Variants in PRKCE observed in about 807,000 individuals in gnomAD.
The protein encoded by PRKCE is protein kinase C epsilon, also known as protein kinase C epsilon type.
A neutral mutation model predicts 85.4 loss-of-function variants in PRKCE; 16 were observed. That is an observed-to-expected ratio of 0.19 (90% CI 0.13 to 0.28). The LOEUF is 0.28. PRKCE is among the 10% of genes least tolerant of loss of function. The probability of loss-of-function intolerance (pLI) is 1.00; values close to 1 mark genes in which losing one functional copy is unlikely to be tolerated. For synonymous variants in PRKCE, 388 were observed against 371.5 expected, an observed-to-expected ratio of 1.04 and a Z score of -0.51; for missense variants, 573 against 975.2, an observed-to-expected ratio of 0.59 and a Z score of 5.49.
chr2:45,921,783 A>G (rs547418656), intron 2 of PRKCE, among the ~76,000 whole-genome samples: 5 of 152,170 alleles, frequency 3.3e-5, no homozygotes, highest in South Asian at 2.1e-4. Flanking sequence ...TCATTTTGCT[A>G]TTTCTTCCTG....
intron 10 of PRKCE, among the ~76,000 whole-genome samples, chr2:46,060,295 A>G (rs974436503): frequency 6.6e-6 from 1 of 150,466 alleles, no homozygotes; most frequent in African/African-American, 2.5e-5. Flanking sequence ...TTCATGTCTA[A>G]TCTCCATACG....
chr2:45,825,504 C>A (rs1485351907), intron 1 of PRKCE, among the ~76,000 whole-genome samples: 1 of 151,784 alleles, frequency 6.6e-6, no homozygotes, highest in African/African-American at 2.4e-5. Context: ...TTTTTTTTTC[C>A]CCACCACACA....
rs137987850 is a variant in PRKCE, at chr2:45,920,245, T to C, written c.413-56184T>C. 2.0e-3 allele frequency among the ~76,000 whole-genome samples: 297 copies of C among 152,304 alleles called. 2 individuals carry two copies. Among genetic ancestry groups the C allele is most frequent in the African/African-American group, 6.8e-3 (282 of 41,572 alleles). ...GTGACATCAGCTTGAGGATAAACTTTGGAGGATGATGGAGTGCACACTGAG... is the reference window on the plus strand; with the variant it reads ...GTGACATCAGCTTGAGGATAAACTTCGGAGGATGATGGAGTGCACACTGAG... On this transcript the variant is annotated intron_variant, in intron 2 of 14. Coordinates refer to ENST00000306156, the MANE Select transcript of PRKCE (RefSeq NM_005400.3).
chr2:45,659,718 C>G (rs971490738), intron 1 of PRKCE, among the ~76,000 whole-genome samples: 1 of 152,104 alleles, frequency 6.6e-6, no homozygotes, highest in African/African-American at 2.4e-5. Flanking sequence ...TGCCCTTTTC[C>G]CAGATATCCA....
chr2:45,980,434 T>C, intron 5 of PRKCE, 53 bp downstream of exon 5: 2 of 1,498,668 alleles, frequency 1.3e-6, no homozygotes, highest in Non-Finnish European at 1.8e-6. Flanking sequence ...AGCCCCTCCC[T>C]TCACTGCCTC....
chr2:45,812,805 C>G (rs966217634), intron 1 of PRKCE, among the ~76,000 whole-genome samples: 8 of 152,178 alleles, frequency 5.3e-5, no homozygotes, highest in African/African-American at 1.9e-4. Flanking sequence ...GAATTGATAG[C>G]ATTGTTCTCT....
intron 10 of PRKCE, among the ~76,000 whole-genome samples, chr2:46,028,037 G>A (rs967029419): frequency 6.6e-6 from 1 of 152,042 alleles, no homozygotes; most frequent in Non-Finnish European, 1.5e-5. Context: ...CGCCTCCCGG[G>A]TTCACGTGAT....
intron 1 of PRKCE, among the ~76,000 whole-genome samples, chr2:45,662,444 T>TC (rs1246789259): frequency 6.6e-6 from 1 of 152,166 alleles, no homozygotes; most frequent in Non-Finnish European, 1.5e-5. Context: ...CTAATTTTTT[T>TC]TCTCTCTCTA....
intron 14 of PRKCE, among the ~76,000 whole-genome samples, chr2:46,174,436 G>A (rs951424809): frequency 3.9e-5 from 6 of 152,208 alleles, no homozygotes; most frequent in African/African-American, 1.4e-4. Context: ...TTTTAAAATC[G>A]AATTAGTAGG....
At chr2:46,116,024 A>G (rs1249953106) in intron 11 of PRKCE, among the ~76,000 whole-genome samples, 1 of 152,246 alleles carries the variant, frequency 6.6e-6, no homozygotes, top group Non-Finnish European at 1.5e-5. Flanking sequence ...AGGTTTCTCC[A>G]TAAGGTGAAT....
intron 8 of PRKCE, among the ~76,000 whole-genome samples, chr2:46,006,390 A>G (rs186006345): frequency 7.2e-5 from 11 of 152,324 alleles, no homozygotes; most frequent in Non-Finnish European, 8.8e-5. Context: ...CAGACTCAGC[A>G]GCTTTCCCCG....
At chr2:46,071,807 A>G (rs916355116) in intron 10 of PRKCE, among the ~76,000 whole-genome samples, 2 of 152,160 alleles carry the variant, frequency 1.3e-5, no homozygotes, top group African/African-American at 2.4e-5. Context: ...CCAGTCCTGA[A>G]TCTCTCCCTT....
intron 4 of PRKCE, among the ~76,000 whole-genome samples, chr2:45,979,715 G>C (rs764577570): frequency 6.6e-6 from 1 of 152,118 alleles, no homozygotes; most frequent in Non-Finnish European, 1.5e-5. Flanking sequence ...GGGGTAACAC[G>C]CACACAGTTA....
At chr2:45,748,796 G>T (rs1346874769) in intron 1 of PRKCE, among the ~76,000 whole-genome samples, 1 of 152,134 alleles carries the variant, frequency 6.6e-6, no homozygotes, top group East Asian at 1.9e-4. Flanking sequence ...GGTGGCGAAT[G>T]CACCTGAGAG....
At chr2:46,170,502 G>A (rs1022918266) in intron 14 of PRKCE, among the ~76,000 whole-genome samples, 5 of 152,186 alleles carry the variant, frequency 3.3e-5, no homozygotes, top group Admixed American at 3.3e-4. Flanking sequence ...AGTTACATCT[G>A]TTTTGTTCAC....
chr2:46,092,769 A>G (rs1205704646), intron 11 of PRKCE, among the ~76,000 whole-genome samples: 1 of 152,132 alleles, frequency 6.6e-6, no homozygotes, highest in Non-Finnish European at 1.5e-5. Flanking sequence ...GTTGTGATGT[A>G]AATTTTAGTC....
intron 1 of PRKCE, among the ~76,000 whole-genome samples, chr2:45,787,645 G>C (rs866715524): frequency 6.6e-6 from 1 of 152,112 alleles, no homozygotes; most frequent in Non-Finnish European, 1.5e-5. Context: ...AATATATTTG[G>C]GTTCCATATA....
At chr2:46,067,599 A>G (rs1360378254) in intron 10 of PRKCE, among the ~76,000 whole-genome samples, 1 of 152,236 alleles carries the variant, frequency 6.6e-6, no homozygotes, top group Non-Finnish European at 1.5e-5. Context: ...CACATCTTAG[A>G]GTTCTGAGCA....
At chr2:46,073,944 C>T (rs550013079) in intron 10 of PRKCE, 2 of 152,218 alleles carry the variant, frequency 1.3e-5, no homozygotes, top group South Asian at 4.2e-4. Flanking sequence ...GATGCTCTCA[C>T]GTGTCATCTC....
Sources: gnomAD v4.1 joint callset for allele counts (sites outside exome capture counted in the v4.1 genomes callset) on GRCh38, gnomAD v4.1.1 for gene constraint, MANE v1.5 for transcripts, NCBI Gene and HGNC (gene_info 2026-07-23, HGNC 2026-07-21) for gene names.